ATRNL1: variants seen among roughly 807,000 people sequenced by gnomAD.
The protein encoded by ATRNL1 is attractin-like protein 1.
ATRNL1 carries 95 observed loss-of-function variants against 182.7 expected under a neutral mutation model. That is an observed-to-expected ratio of 0.52 (90% confidence interval 0.44 to 0.62). ATRNL1 has a LOEUF of 0.62. ATRNL1 is among the 20% of genes least tolerant of loss of function. The pLI is 0.00. For missense variants in ATRNL1, 1,471 were observed against 1,679.5 expected (o/e 0.88, Z 2.17); for synonymous variants, 576 against 568.3 (o/e 1.01, Z -0.19).
intron 27 of ATRNL1, among the ~76,000 whole-genome samples, chr10:115,778,894 A>C (rs80341644): frequency 0.045 from 6,797 of 152,284 alleles, 432 homozygotes; most frequent in African/African-American, 0.14. Context: ...GGATAAAGGG[A>C]TATAACCTTG....
intron 10 of ATRNL1, among the ~76,000 whole-genome samples, chr10:115,253,751 T>A (rs1850987880): frequency 6.6e-6 from 1 of 152,062 alleles, no homozygotes; most frequent in African/African-American, 2.4e-5. Flanking sequence ...AACTCATCAT[T>A]TACATTAGGT....
chr10:115,832,680 A>G (rs1555094123), intron 27 of ATRNL1, among the ~76,000 whole-genome samples: 1 of 152,210 alleles, frequency 6.6e-6, no homozygotes, highest in Non-Finnish European at 1.5e-5. Context: ...AGGAAACATT[A>G]GGTATTCAAA....
At chr10:115,351,712 A>C (rs1554941385) in intron 19 of ATRNL1, among the ~76,000 whole-genome samples, 1 of 127,864 alleles carries the variant, frequency 7.8e-6, no homozygotes, top group African/African-American at 2.6e-5. Context: ...CTTGTTCATG[A>C]GTGATATTGG....
intron 25 of ATRNL1, among the ~76,000 whole-genome samples, chr10:115,532,379 C>G (rs1264949573): frequency 1.1e-4 from 17 of 152,210 alleles, no homozygotes; most frequent in Admixed American, 5.2e-4. Flanking sequence ...GTATTTTATT[C>G]TCTTTGAAGT....
intron 28 of ATRNL1, among the ~76,000 whole-genome samples, chr10:115,849,303 A>G (rs1038021068): frequency 7.2e-5 from 11 of 152,154 alleles, no homozygotes; most frequent in African/African-American, 2.7e-4. Flanking sequence ...ATAGTTTGGC[A>G]CTGGTCAGAT....
intron 26 of ATRNL1, among the ~76,000 whole-genome samples, chr10:115,648,250 A>T (rs533725748): frequency 8.8e-4 from 134 of 152,284 alleles, no homozygotes; most frequent in Non-Finnish European, 1.6e-3. Flanking sequence ...CTTACAAGGG[A>T]TGTGAAGGAC....
intron 15 of ATRNL1, among the ~76,000 whole-genome samples, chr10:115,295,560 A>G (rs1441959078): frequency 6.6e-6 from 1 of 152,144 alleles, no homozygotes; most frequent in African/African-American, 2.4e-5. Context: ...AGAGGTTGCA[A>G]TGTGGCTGTT....
intron 21 of ATRNL1, among the ~76,000 whole-genome samples, chr10:115,429,787 G>T (rs1376645166): frequency 6.6e-6 from 1 of 151,902 alleles, no homozygotes; most frequent in African/African-American, 2.4e-5. Flanking sequence ...TTATTTTCTG[G>T]CCGGGCGCTG....
intron 24 of ATRNL1, among the ~76,000 whole-genome samples, chr10:115,504,910 A>G (rs1330971832): frequency 6.6e-6 from 1 of 152,110 alleles, no homozygotes; most frequent in East Asian, 1.9e-4. Context: ...CTTTAGATTT[A>G]TAGATTTATA....
At chr10:115,485,905 C>G (rs1414475540) in intron 24 of ATRNL1, among the ~76,000 whole-genome samples, 1 of 151,074 alleles carries the variant, frequency 6.6e-6, no homozygotes, top group African/African-American at 2.4e-5. Context: ...CCCCCCACCC[C>G]CCAATAGGCC....
intron 13 of ATRNL1, among the ~76,000 whole-genome samples, chr10:115,275,923 CAGAA>C (rs1852084853): frequency 6.6e-6 from 1 of 152,214 alleles, no homozygotes; most frequent in African/African-American, 2.4e-5. Flanking sequence ...AGCCAACTAA[CAGAA>C]AGAGCCCTTT....
chr10:115,464,870 C>CT (rs1554970487), intron 22 of ATRNL1, among the ~76,000 whole-genome samples: 1 of 151,600 alleles, frequency 6.6e-6, no homozygotes, highest in East Asian at 1.9e-4. Flanking sequence ...AGAGCATGTC[C>CT]TTTTTTTGAG....
At chr10:115,420,454 A>T (rs1325156132) in intron 20 of ATRNL1, among the ~76,000 whole-genome samples, 2 of 152,160 alleles carry the variant, frequency 1.3e-5, no homozygotes, top group Non-Finnish European at 2.9e-5. Flanking sequence ...CGTACATGGA[A>T]ATTAAACAAG....
intron 9 of ATRNL1, among the ~76,000 whole-genome samples, chr10:115,221,341 G>GAT (rs1849456786): frequency 1.3e-5 from 2 of 152,108 alleles, no homozygotes; most frequent in South Asian, 4.1e-4. Flanking sequence ...TGTATAGACT[G>GAT]ATATTTATTT....
intron 5 of ATRNL1, among the ~76,000 whole-genome samples, chr10:115,130,732 G>A (rs1845193577): frequency 6.6e-6 from 1 of 151,858 alleles, no homozygotes; most frequent in African/African-American, 2.4e-5. Flanking sequence ...CATTTCTGTC[G>A]TGAAACTAAA....
At chr10:115,366,782 T>C (rs1184319649) in intron 19 of ATRNL1, among the ~76,000 whole-genome samples, 1 of 150,876 alleles carries the variant, frequency 6.6e-6, no homozygotes, top group East Asian at 1.9e-4. Flanking sequence ...TTATGAAGCT[T>C]AGTTTGGCTG....
intron 11 of ATRNL1, 41 bp downstream of exon 11, chr10:115,265,318 A>G (rs1377692997): frequency 2.4e-6 from 3 of 1,258,684 alleles, no homozygotes; most frequent in East Asian, 4.7e-5. Flanking sequence ...GGTCACTTAT[A>G]TCAGTCATAC....
intron 27 of ATRNL1, among the ~76,000 whole-genome samples, chr10:115,818,185 G>GT (rs3027964): frequency 0.014 from 1,770 of 130,634 alleles, 35 homozygotes; most frequent in East Asian, 0.13. Context: ...ATTTGATTCC[G>GT]TTTTTTTTTT....
chr10:115,237,400 G>A (rs1367143796), intron 9 of ATRNL1, among the ~76,000 whole-genome samples: 3 of 152,132 alleles, frequency 2.0e-5, no homozygotes, highest in Non-Finnish European at 4.4e-5. Context: ...GCCATCTTTT[G>A]TCAGCATTTT....
Sources: gnomAD v4.1 joint callset for allele counts (sites outside exome capture counted in the v4.1 genomes callset) on GRCh38, gnomAD v4.1.1 for gene constraint, MANE v1.5 for transcripts, NCBI Gene and HGNC (gene_info 2026-07-23, HGNC 2026-07-21) for gene names.